NTM: variants seen among roughly 807,000 people sequenced by gnomAD.
The protein encoded by NTM is IgLON family member 2.
A neutral mutation model predicts 42.1 loss-of-function variants in NTM; 13 were observed. The observed-to-expected ratio is 0.31, with a 90% CI of 0.20 to 0.49. The LOEUF is 0.49. Among genes scored for constraint, NTM ranks in the 20% least tolerant of loss-of-function variants. The pLI, the probability that NTM is intolerant of heterozygous loss-of-function variation, is 0.99. For missense variants in NTM, 373 were observed against 452.8 expected, an observed-to-expected ratio of 0.82 and a Z score of 1.60; for synonymous variants, 187 against 179.2, an observed-to-expected ratio of 1.04 and a Z score of -0.35.
intron 2 of NTM, among the ~76,000 whole-genome samples, chr11:131,930,234 C>T (rs1592953197): frequency 6.6e-6 from 1 of 152,286 alleles, no homozygotes; most frequent in East Asian, 1.9e-4. Flanking sequence ...GTCACCAAAG[C>T]CTTCCCTTCT....
intron 1 of NTM, among the ~76,000 whole-genome samples, chr11:131,421,612 G>C (rs1947535881): frequency 6.6e-6 from 1 of 152,190 alleles, no homozygotes; most frequent in South Asian, 2.1e-4. Context: ...GGAGATGACG[G>C]GGAGGTGACG....
chr11:132,236,464 A>G (rs1479316351), intron 4 of NTM, among the ~76,000 whole-genome samples: 1 of 152,192 alleles, frequency 6.6e-6, no homozygotes, highest in Non-Finnish European at 1.5e-5. Flanking sequence ...CTCCAATTGT[A>G]ACTTGGGAGG....
intron 2 of NTM, among the ~76,000 whole-genome samples, chr11:131,921,000 A>G (rs1378267764): frequency 6.6e-6 from 1 of 152,234 alleles, no homozygotes; most frequent in African/African-American, 2.4e-5. Flanking sequence ...GGAGGGCTCA[A>G]TCCAAAATTC....
At chr11:132,205,410 A>C (rs1366920484) in intron 3 of NTM, among the ~76,000 whole-genome samples, 1 of 152,246 alleles carries the variant, frequency 6.6e-6, no homozygotes, top group African/African-American at 2.4e-5. Context: ...CTAAACCAAG[A>C]GTAGGGAAGT....
At chr11:131,575,893 C>T (rs2458770) in intron 1 of NTM, among the ~76,000 whole-genome samples, 82,104 of 151,970 alleles carry the variant, frequency 0.54, 22,431 homozygotes, top group South Asian at 0.68. Context: ...GATGAATTAT[C>T]TCAAGTGGCA....
intron 1 of NTM, among the ~76,000 whole-genome samples, chr11:131,754,189 G>C (rs1008177988): frequency 6.7e-6 from 1 of 149,892 alleles, no homozygotes; most frequent in Non-Finnish European, 1.5e-5. Context: ...GTTAAATGAC[G>C]AGTTACTGGG....
chr11:132,130,355 GA>G (rs367934875), intron 2 of NTM, among the ~76,000 whole-genome samples: 17 of 150,274 alleles, frequency 1.1e-4, no homozygotes, highest in African/African-American at 2.7e-4. Context: ...CTCTCAAGTG[GA>G]AAAAAAAAGG....
At chr11:131,887,799 A>G (rs767377392) in intron 1 of NTM, among the ~76,000 whole-genome samples, 5 of 152,204 alleles carry the variant, frequency 3.3e-5, no homozygotes, top group Non-Finnish European at 1.5e-5. Flanking sequence ...TATCTAGTTC[A>G]GTATTTGCTA....
At chr11:131,371,027 A>G in intron 1 of NTM, 139 bp downstream of exon 1, 1 of 1,476,664 alleles carries the variant, frequency 6.8e-7, no homozygotes, top group African/African-American at 1.4e-5. Context: ...CATGGCTGGG[A>G]CTTCATTCTC....
intron 3 of NTM, among the ~76,000 whole-genome samples, chr11:132,183,331 A>T (rs1371670015): frequency 6.6e-6 from 1 of 152,194 alleles, no homozygotes; most frequent in African/African-American, 2.4e-5. Flanking sequence ...AAACAGGCTC[A>T]GCATTTGAGG....
chr11:131,905,430 T>C lies in NTM; in HGVS notation c.83-6134T>C, dbSNP rs557013840. Among the ~76,000 whole-genome samples, 16 of 152,312 alleles carry C rather than the reference T, an allele frequency of 1.1e-4. No individual in the cohort carries two copies. In the East Asian group the frequency reaches 3.1e-3, roughly 30 times the overall value. On this transcript the variant is annotated intron_variant, in intron 1 of 8. Transcript: ENST00000683400. Reference sequence around the variant, plus strand: ...TTTGTATGAGCACCGTCTGAGGCTGTCAAAGAAGTTTCTGCTCATGCTCCT... The same window carrying C: ...TTTGTATGAGCACCGTCTGAGGCTGCCAAAGAAGTTTCTGCTCATGCTCCT...
chr11:131,911,885 C>G (rs979772977), intron 2 of NTM, among the ~76,000 whole-genome samples: 1 of 152,144 alleles, frequency 6.6e-6, no homozygotes, highest in African/African-American at 2.4e-5. Context: ...GCGGCTCAGG[C>G]ACTTGTTAAA....
intron 1 of NTM, among the ~76,000 whole-genome samples, chr11:131,597,871 G>A (rs1232654524): frequency 6.6e-6 from 1 of 152,100 alleles, no homozygotes; most frequent in Non-Finnish European, 1.5e-5. Context: ...GAATTCAACA[G>A]AGTCCTTTTT....
At chr11:132,027,344 A>G (rs2075319813) in intron 2 of NTM, among the ~76,000 whole-genome samples, 1 of 152,244 alleles carries the variant, frequency 6.6e-6, no homozygotes. Context: ...AATAACGATC[A>G]ATTTATGTAG....
chr11:132,236,340 A>G (rs1430142884), intron 4 of NTM, among the ~76,000 whole-genome samples: 2 of 152,214 alleles, frequency 1.3e-5, no homozygotes, highest in African/African-American at 2.4e-5. Context: ...AGTAGCTCAT[A>G]TCGTATCTAT....
intron 1 of NTM, among the ~76,000 whole-genome samples, chr11:131,699,912 GT>G (rs2075891126): frequency 9.1e-4 from 10 of 11,002 alleles, no homozygotes; most frequent in Admixed American, 3.7e-3. Flanking sequence ...AGCAGCAGGT[GT>G]GTGTGTGTGT....
chr11:131,414,592 G>A (rs1347698331), intron 1 of NTM, among the ~76,000 whole-genome samples: 1 of 152,176 alleles, frequency 6.6e-6, no homozygotes, highest in African/African-American at 2.4e-5. Flanking sequence ...CACTCTGTGA[G>A]GTTCTTTGGA....
chr11:131,902,292 C>T (rs143075349), intron 1 of NTM, among the ~76,000 whole-genome samples: 1 of 152,180 alleles, frequency 6.6e-6, no homozygotes, highest in South Asian at 2.1e-4. Context: ...AAATTCAAGC[C>T]TTCCACAAAC....
intron 1 of NTM, among the ~76,000 whole-genome samples, chr11:131,803,543 C>T (rs888491006): frequency 1.3e-5 from 2 of 152,224 alleles, no homozygotes; most frequent in Non-Finnish European, 2.9e-5. Context: ...CTCCTGACCT[C>T]AAGCAATCCG....
Sources: allele counts gnomAD v4.1 joint callset (sites outside exome capture counted in the v4.1 genomes callset), GRCh38; gene constraint gnomAD v4.1.1; transcripts MANE v1.5; gene names NCBI Gene and HGNC (gene_info 2026-07-23, HGNC 2026-07-21).